The following AKAP19 variants were observed in gnomAD, a reference collection of about 807,000 sequenced individuals.
AKAP19 encodes the protein small A-kinase anchoring protein.
chr2:190,111,273 C>A, the AKAP19 span, among the ~76,000 whole-genome samples: 2 of 152,150 alleles, frequency 1.3e-5, no homozygotes, highest in Non-Finnish European at 2.9e-5. Context: ...TGGAACATAT[C>A]TGTTGCTTTG....
the AKAP19 span, among the ~76,000 whole-genome samples, chr2:189,890,820 A>C: frequency 2.0e-5 from 3 of 152,158 alleles, no homozygotes; most frequent in Non-Finnish European, 2.9e-5. Flanking sequence ...GTCTCTGCAC[A>C]TGAGATGTGT....
chr2:190,127,032 G>A, the AKAP19 span, among the ~76,000 whole-genome samples: 1 of 152,040 alleles, frequency 6.6e-6, no homozygotes, highest in Admixed American at 6.6e-5. Context: ...CCCAAAGAGG[G>A]ATGTAGAGCT....
chr2:190,168,620 T>C, the AKAP19 span, among the ~76,000 whole-genome samples: 1 of 152,232 alleles, frequency 6.6e-6, no homozygotes, highest in African/African-American at 2.4e-5. Context: ...AAGTCACCTC[T>C]TGAATGCTTT....
the AKAP19 span, among the ~76,000 whole-genome samples, chr2:190,191,743 A>G: frequency 9.2e-5 from 14 of 152,192 alleles, no homozygotes; most frequent in Admixed American, 1.3e-4. Flanking sequence ...TCATGTACTT[A>G]TATTTGCTAT....
At chr2:189,954,353 G>T in the AKAP19 span, among the ~76,000 whole-genome samples, 1 of 152,254 alleles carries the variant, frequency 6.6e-6, no homozygotes, top group African/African-American at 2.4e-5. Flanking sequence ...TTTTGCAAAT[G>T]AAAAGATCAG....
At chr2:190,024,156 G>A in the AKAP19 span, among the ~76,000 whole-genome samples, 1 of 151,938 alleles carries the variant, frequency 6.6e-6, no homozygotes, top group African/African-American at 2.4e-5. Context: ...TGGTGGTCAT[G>A]CTGGAGTCAT....
the AKAP19 span, among the ~76,000 whole-genome samples, chr2:189,945,078 G>C: frequency 5.3e-5 from 8 of 152,196 alleles, 1 homozygote; most frequent in South Asian, 1.7e-3. Flanking sequence ...AAATCTATGG[G>C]ATACGGCAAA....
At chr2:190,075,315 A>G in the AKAP19 span, among the ~76,000 whole-genome samples, 1 of 152,116 alleles carries the variant, frequency 6.6e-6, no homozygotes, top group Non-Finnish European at 1.5e-5. Context: ...CTTATGTTCT[A>G]TCTTGGTGAA....
the AKAP19 span, among the ~76,000 whole-genome samples, chr2:190,124,411 C>T: frequency 2.0e-5 from 3 of 152,196 alleles, no homozygotes; most frequent in African/African-American, 7.2e-5. Context: ...CTGAATGCTA[C>T]AGGCAACTGT....
the AKAP19 span, among the ~76,000 whole-genome samples, chr2:190,092,609 T>C: frequency 6.6e-6 from 1 of 152,172 alleles, no homozygotes; most frequent in East Asian, 1.9e-4. Flanking sequence ...CAGAACAATA[T>C]GTATATGTAC....
At chr2:190,199,686 T>C in the AKAP19 span, 1 of 1,420,352 alleles carries the variant, frequency 7.0e-7, no homozygotes, top group Non-Finnish European at 9.2e-7. Flanking sequence ...AAACCTACCT[T>C]CTCTTGACAG....
the AKAP19 span, among the ~76,000 whole-genome samples, chr2:189,950,280 A>AG: frequency 6.7e-6 from 1 of 149,666 alleles, no homozygotes; most frequent in African/African-American, 2.5e-5. Flanking sequence ...CGCCTGCCTC[A>AG]GCCTCCCAAA....
At chr2:189,960,807 C>T in the AKAP19 span, among the ~76,000 whole-genome samples, 1 of 152,140 alleles carries the variant, frequency 6.6e-6, no homozygotes, top group Non-Finnish European at 1.5e-5. Context: ...CCTTTGTGTA[C>T]TTAACTCCCT....
the AKAP19 span, among the ~76,000 whole-genome samples, chr2:190,029,731 A>G: frequency 6.6e-6 from 1 of 152,206 alleles, no homozygotes; most frequent in Non-Finnish European, 1.5e-5. Flanking sequence ...CTATGTTCCA[A>G]TAAAACTTTA....
the AKAP19 span, among the ~76,000 whole-genome samples, chr2:189,949,833 T>C: frequency 1.3e-5 from 2 of 151,426 alleles, no homozygotes; most frequent in African/African-American, 4.9e-5. Context: ...GGTTTCACCA[T>C]GTTGTCCAGG....
the AKAP19 span, among the ~76,000 whole-genome samples, chr2:189,942,000 A>G: frequency 4.6e-5 from 7 of 152,340 alleles, no homozygotes; most frequent in Non-Finnish European, 1.0e-4. Context: ...AAACCAAAAA[A>G]GAGCAGGGGG....
chr2:190,194,263 ATGT>A, the AKAP19 span, among the ~76,000 whole-genome samples: 9 of 152,134 alleles, frequency 5.9e-5, no homozygotes, highest in African/African-American at 2.2e-4. Flanking sequence ...TTGGAGCATA[ATGT>A]TGTTCAGAAC....
chr2:190,083,501 T>C, the AKAP19 span, among the ~76,000 whole-genome samples: 1 of 144,384 alleles, frequency 6.9e-6, no homozygotes, highest in African/African-American at 2.5e-5. Context: ...GATAACCTTG[T>C]ATAAGAGTTC....
chr2:190,111,027 A>G, the AKAP19 span, among the ~76,000 whole-genome samples: 1 of 152,170 alleles, frequency 6.6e-6, no homozygotes, highest in Non-Finnish European at 1.5e-5. Flanking sequence ...TCTAAAGGGA[A>G]TCGGTAGAGA....
Sources: gnomAD v4.1 joint callset for allele counts (sites outside exome capture counted in the v4.1 genomes callset) on GRCh38, gnomAD v4.1.1 for gene constraint, MANE v1.5 for transcripts, NCBI Gene and HGNC (gene_info 2026-07-23, HGNC 2026-07-21) for gene names.